The following DPP6 variants were observed in gnomAD, a reference collection of about 807,000 sequenced individuals.
DPP6 encodes A-type potassium channel modulatory protein DPP6.
In DPP6, 69 loss-of-function variants were observed where a neutral mutation model predicts 122.6. The ratio of observed to expected loss-of-function variants is 0.56; its 90% confidence interval spans 0.46 to 0.69. DPP6 has a LOEUF of 0.69. DPP6 is among the 30% of genes least tolerant of loss of function. The pLI, the probability that DPP6 is intolerant of heterozygous loss-of-function variation, is 0.00. For synonymous variants in DPP6, 418 were observed against 433.1 expected, an observed-to-expected ratio of 0.97 and a Z score of 0.43; for missense variants, 928 against 1,116.9, an observed-to-expected ratio of 0.83 and a Z score of 2.41.
intron 16 of DPP6, among the ~76,000 whole-genome samples, chr7:154,851,641 C>T (rs1802390716): frequency 6.6e-6 from 1 of 152,222 alleles, no homozygotes; most frequent in African/African-American, 2.4e-5. Flanking sequence ...TGTTCCCTCA[C>T]TGGGTAGGGG....
rs1016759044 is a variant in DPP6 at position 154,241,350 on chromosome 7, C to T, written c.243+188287C>T. Among the ~76,000 whole-genome samples, 1 of 152,018 alleles carries T rather than the reference C, an allele frequency of 6.6e-6. No individual in the cohort carries two copies. The highest frequency in any genetic ancestry group is 2.4e-5 in the African/African-American group (1 of 41,384). On this transcript the variant is annotated intron_variant, in intron 1 of 25. Coordinates refer to ENST00000377770, the MANE Select transcript of DPP6 (RefSeq NM_130797.4). The surrounding 1 kb of genome is among the most constrained non-coding windows in gnomAD (Gnocchi z 9.0). ...AATAGGAGAGTACCTTCCTGTGTTT[C>T]CCTGTTTTATCCAAATTCTCAGTGT...
intron 8 of DPP6, among the ~76,000 whole-genome samples, chr7:154,743,204 G>C (rs1225471883): frequency 6.6e-6 from 1 of 152,086 alleles, no homozygotes. Context: ...CTTTCCACCT[G>C]CTGGGCCTTT....
chr7:154,394,620 G>T (rs1446266494), intron 1 of DPP6, among the ~76,000 whole-genome samples: 1 of 151,972 alleles, frequency 6.6e-6, no homozygotes, highest in Non-Finnish European at 1.5e-5. Context: ...TTTCCTGGTT[G>T]CCTATGCCTT....
At chr7:154,804,691 G>T (rs904746203) in intron 14 of DPP6, among the ~76,000 whole-genome samples, 1 of 152,196 alleles carries the variant, frequency 6.6e-6, no homozygotes, top group African/African-American at 2.4e-5. Flanking sequence ...GCCAGTGCAG[G>T]GGGCACCCGG....
At chr7:154,839,016 C>T (rs111484833) in intron 16 of DPP6, 57 of 152,254 alleles carry the variant, frequency 3.7e-4, no homozygotes, top group African/African-American at 1.3e-3. Flanking sequence ...TCACCATATG[C>T]CCATTCGTCC....
chr7:153,796,655 G>A, the DPP6 span, among the ~76,000 whole-genome samples: 10 of 152,302 alleles, frequency 6.6e-5, no homozygotes, highest in African/African-American at 2.4e-4. Flanking sequence ...AAGGCCACAT[G>A]TTACCAACCT....
chr7:153,967,533 T>C (rs28693616), intron 1 of DPP6, among the ~76,000 whole-genome samples: 86,973 of 151,956 alleles, frequency 0.57, 27,109 homozygotes, highest in African/African-American at 0.84. Flanking sequence ...GTTGTCACAT[T>C]GTTGCTGTGA....
intron 8 of DPP6, among the ~76,000 whole-genome samples, chr7:154,734,383 A>G (rs968456942): frequency 6.6e-6 from 1 of 152,150 alleles, no homozygotes; most frequent in Non-Finnish European, 1.5e-5. Flanking sequence ...GCAAATATTA[A>G]CTGCCTCTGA....
intron 5 of DPP6, among the ~76,000 whole-genome samples, chr7:154,623,405 G>C (rs944306155): frequency 6.6e-6 from 1 of 152,238 alleles, no homozygotes; most frequent in Admixed American, 6.5e-5. Flanking sequence ...TGGGAGGGGC[G>C]GTGCCTTTTG....
intron 1 of DPP6, among the ~76,000 whole-genome samples, chr7:153,938,857 C>T (rs10270394): frequency 0.95 from 145,375 of 152,330 alleles, 69,412 homozygotes; most frequent in East Asian, 1. Flanking sequence ...GAATGGCCGG[C>T]TGAGTCTCAT....
chr7:154,738,337 T>G (rs1253649910), intron 8 of DPP6, among the ~76,000 whole-genome samples: 1 of 152,242 alleles, frequency 6.6e-6, no homozygotes, highest in Non-Finnish European at 1.5e-5. Context: ...CTCCAAATCT[T>G]CCTCTTCGTG....
At chr7:154,300,936 G>T (rs921004272) in intron 1 of DPP6, among the ~76,000 whole-genome samples, 1 of 152,268 alleles carries the variant, frequency 6.6e-6, no homozygotes, top group South Asian at 2.1e-4. Context: ...GGTCCTATGG[G>T]TGGGCCCTAA....
At chr7:154,806,794 G>T (rs1183412087) in intron 15 of DPP6, among the ~76,000 whole-genome samples, 200 bp from the exon 16 acceptor site, 2 of 152,190 alleles carry the variant, frequency 1.3e-5, no homozygotes, top group Non-Finnish European at 2.9e-5. Flanking sequence ...GAGTGGGAGG[G>T]ACCCACCAGC....
At chr7:153,916,670 G>T (rs1197516135) in intron 1 of DPP6, among the ~76,000 whole-genome samples, 1 of 151,990 alleles carries the variant, frequency 6.6e-6, no homozygotes, top group Admixed American at 6.6e-5. Flanking sequence ...GCCTCCCAAA[G>T]TGCTGGGATT....
intron 1 of DPP6, among the ~76,000 whole-genome samples, chr7:153,964,817 C>CT (rs11449403): frequency 0.13 from 7,934 of 58,960 alleles, 493 homozygotes; most frequent in East Asian, 0.37. Flanking sequence ...CTTTCCTTTC[C>CT]TTTCCTTTCC....
In DPP6 at chr7:154,053,075, TC is replaced by T. The variant is rs199977459; in HGVS notation, c.243+13del. The T allele has an allele frequency of 0.25, 257,549 of 1,047,750 alleles. 32,261 individuals are homozygous for T. Among genetic ancestry groups the T allele is most frequent in the East Asian group, 0.45 (6,807 of 15,240 alleles). The allele number at this position is 1,047,750 out of a possible 1,614,324, so 64.9% of individuals were successfully genotyped here. A position where few individuals can be genotyped will look rare whatever the true frequency, so the allele number is the denominator to read the frequency against. On this transcript the variant is annotated intron_variant, in intron 1 of 25. Transcript: ENST00000377770. ...GTGACGAGGAGGACGTAAGAGCTTC[TC>T]GGGGGCGGGGGGCGGCGGCGGGTTC...
intron 23 of DPP6, among the ~76,000 whole-genome samples, chr7:154,888,493 G>C (rs1232136345): frequency 6.6e-6 from 1 of 152,216 alleles, no homozygotes; most frequent in Non-Finnish European, 1.5e-5. Flanking sequence ...TTCTCCAGCT[G>C]TGCGCAGGGA....
intron 1 of DPP6, among the ~76,000 whole-genome samples, chr7:154,353,898 G>A (rs1221065071): frequency 2.6e-5 from 4 of 152,266 alleles, no homozygotes; most frequent in East Asian, 3.9e-4. Flanking sequence ...AATAAATTCC[G>A]TTGCCAAGTT....
chr7:154,075,417 C>G (rs955945043), intron 1 of DPP6, among the ~76,000 whole-genome samples: 3 of 151,718 alleles, frequency 2.0e-5, no homozygotes, highest in African/African-American at 7.3e-5. Context: ...AAATGTTCAT[C>G]AACCAAGGAG....
Sources: allele counts gnomAD v4.1 joint callset (sites outside exome capture counted in the v4.1 genomes callset), GRCh38; gene constraint gnomAD v4.1.1; non-coding constraint Gnocchi (gnomAD v3.1); transcripts MANE v1.5; gene names NCBI Gene and HGNC (gene_info 2026-07-23, HGNC 2026-07-21).